Variants in LINGO2 observed in about 807,000 individuals in gnomAD.
LINGO2 encodes the protein leucine-rich repeat and immunoglobulin-like domain-containing nogo receptor-interacting protein 2.
A neutral mutation model predicts 30.6 loss-of-function variants in LINGO2; 14 were observed. The observed-to-expected ratio is 0.46, with a 90% CI of 0.30 to 0.72. The LOEUF (loss-of-function observed/expected upper bound fraction) is 0.72. Among genes scored for constraint, LINGO2 ranks in the 30% least tolerant of loss-of-function variants. The pLI is 0.07. For synonymous variants in LINGO2, 317 were observed against 288.5 expected (o/e 1.10, Z -1.00); for missense variants, 729 against 751.7 (o/e 0.97, Z 0.35).
the LINGO2 span, among the ~76,000 whole-genome samples, chr9:29,037,111 T>G: frequency 6.6e-6 from 1 of 151,942 alleles, no homozygotes; most frequent in Admixed American, 6.6e-5. Flanking sequence ...TACAAATAAC[T>G]TGCCTAGTCT....
chr9:29,114,267 T>C, the LINGO2 span, among the ~76,000 whole-genome samples: 1 of 151,698 alleles, frequency 6.6e-6, no homozygotes, highest in Admixed American at 6.6e-5. Context: ...CAAAACAATA[T>C]TGAGTGAAAG....
At chr9:28,055,125 A>T (rs1040815892) in intron 4 of LINGO2, among the ~76,000 whole-genome samples, 2 of 152,190 alleles carry the variant, frequency 1.3e-5, no homozygotes, top group Admixed American at 6.6e-5. Context: ...AAAGCATTTC[A>T]AAGCAAAATG....
At chr9:28,603,989 C>A (rs181952364) in intron 1 of LINGO2, among the ~76,000 whole-genome samples, 5 of 151,948 alleles carry the variant, frequency 3.3e-5, no homozygotes, top group African/African-American at 1.2e-4. Flanking sequence ...CTCTTTTAAT[C>A]TTCTTTTTCT....
At chr9:28,794,132 C>G in the LINGO2 span, among the ~76,000 whole-genome samples, 1 of 152,018 alleles carries the variant, frequency 6.6e-6, no homozygotes, top group Non-Finnish European at 1.5e-5. Context: ...AGTGAAACCC[C>G]GTCTGTACTA....
chr9:28,538,346 G>A (rs1490031733), intron 1 of LINGO2, among the ~76,000 whole-genome samples: 2 of 152,094 alleles, frequency 1.3e-5, no homozygotes, highest in African/African-American at 4.8e-5. Context: ...TATGGAAGAT[G>A]AGACTGGTGA....
At chr9:29,113,663 T>C in the LINGO2 span, among the ~76,000 whole-genome samples, 1 of 152,120 alleles carries the variant, frequency 6.6e-6, no homozygotes, top group Non-Finnish European at 1.5e-5. Flanking sequence ...GTGCAGAGGT[T>C]TCAATAGAAA....
At chr9:28,260,239 A>AT (rs368518485) in intron 4 of LINGO2, among the ~76,000 whole-genome samples, 7,177 of 141,206 alleles carry the variant, frequency 0.051, 440 homozygotes, top group African/African-American at 0.15. Context: ...ATGACTTGTA[A>AT]TTTTTTTTTT....
At chr9:28,123,079 A>T (rs577198114) in intron 4 of LINGO2, among the ~76,000 whole-genome samples, 1 of 152,264 alleles carries the variant, frequency 6.6e-6, no homozygotes, top group East Asian at 1.9e-4. Context: ...TTTTCTTCTC[A>T]TTCTTGTGCT....
At chr9:28,994,858 A>G in the LINGO2 span, among the ~76,000 whole-genome samples, 1 of 152,228 alleles carries the variant, frequency 6.6e-6, no homozygotes, top group Non-Finnish European at 1.5e-5. Flanking sequence ...CACCTTATAC[A>G]AAAATTAATT....
chr9:28,036,722 G>C (rs1008235666), intron 4 of LINGO2, among the ~76,000 whole-genome samples: 1 of 152,124 alleles, frequency 6.6e-6, no homozygotes, highest in Non-Finnish European at 1.5e-5. Context: ...TAGTAGGCTA[G>C]TCAAATATCT....
rs371615501 is a variant in LINGO2 at position 28,071,359 on chromosome 9, C to T, written c.-86-58954G>A. On this transcript the variant is annotated intron_variant, in intron 4 of 5. Coordinates refer to ENST00000379992, the Ensembl canonical transcript of LINGO2. ...GTTCTTTCTCATTTCTCTTTATAGT[C>T]CTTTAATATAGAAACTGCAACAACA... Among the ~76,000 whole-genome samples the T allele has an allele frequency of 4.7e-4, 71 of 152,118 alleles. 1 individual carries two copies. In the South Asian group the frequency reaches 0.014, roughly 30 times the overall value.
At chr9:29,161,400 A>G in the LINGO2 span, among the ~76,000 whole-genome samples, 5 of 152,230 alleles carry the variant, frequency 3.3e-5, no homozygotes, top group African/African-American at 1.2e-4. Context: ...GCATAGTCAT[A>G]GCCCTGAACC....
At chr9:29,160,959 T>C in the LINGO2 span, among the ~76,000 whole-genome samples, 1 of 152,246 alleles carries the variant, frequency 6.6e-6, no homozygotes, top group African/African-American at 2.4e-5. Flanking sequence ...CCTGCTGATG[T>C]TGTGCACAGG....
At chr9:28,723,008 A>G in the LINGO2 span, among the ~76,000 whole-genome samples, 1 of 152,126 alleles carries the variant, frequency 6.6e-6, no homozygotes, top group Non-Finnish European at 1.5e-5. Context: ...CCCACCTGAA[A>G]CAATTACCCC....
chr9:28,070,773 A>G (rs776770302), intron 4 of LINGO2, among the ~76,000 whole-genome samples: 14 of 152,100 alleles, frequency 9.2e-5, no homozygotes, highest in Non-Finnish European at 1.9e-4. Context: ...GTGCAGTGGC[A>G]TGATCACAGG....
intron 1 of LINGO2, among the ~76,000 whole-genome samples, chr9:28,519,588 G>T (rs1276831751): frequency 6.6e-6 from 1 of 152,182 alleles, no homozygotes; most frequent in Non-Finnish European, 1.5e-5. Flanking sequence ...ATGTAAACCA[G>T]TGATGCTGCA....
At chr9:28,313,648 C>T (rs1225490448) in intron 3 of LINGO2, among the ~76,000 whole-genome samples, 1 of 152,112 alleles carries the variant, frequency 6.6e-6, no homozygotes, top group Non-Finnish European at 1.5e-5. Flanking sequence ...CACCCTCAAA[C>T]TTATTCTGTA....
intron 4 of LINGO2, among the ~76,000 whole-genome samples, chr9:28,125,079 A>C (rs1339445968): frequency 6.6e-6 from 1 of 152,232 alleles, no homozygotes; most frequent in African/African-American, 2.4e-5. Context: ...TAGGACATTC[A>C]GAACTCTGGA....
intron 1 of LINGO2, among the ~76,000 whole-genome samples, chr9:28,617,637 C>G (rs1025732396): frequency 2.6e-5 from 4 of 152,080 alleles, no homozygotes; most frequent in Non-Finnish European, 4.4e-5. Flanking sequence ...ATTTATAACC[C>G]AGAGACTACT....
Sources: allele counts gnomAD v4.1 joint callset (sites outside exome capture counted in the v4.1 genomes callset), GRCh38; gene constraint gnomAD v4.1.1; transcripts MANE v1.5; gene names NCBI Gene and HGNC (gene_info 2026-07-23, HGNC 2026-07-21).